DKK3: variants seen among roughly 807,000 people sequenced by gnomAD.
The protein encoded by DKK3 is dickkopf-related protein 3.
A neutral mutation model predicts 33.2 loss-of-function variants in DKK3; 22 were observed. That is an observed-to-expected ratio of 0.66 (90% CI 0.47 to 0.95). The LOEUF (loss-of-function observed/expected upper bound fraction) is 0.95, where lower values mean the gene tolerates loss of function less well. Ranked by LOEUF, DKK3 falls within the 40% of genes least tolerant of loss-of-function variation. DKK3 has a pLI of 0.00. For synonymous variants in DKK3, 194 were observed against 188.8 expected, an observed-to-expected ratio of 1.03 and a Z score of -0.23; for missense variants, 398 against 458.4, an observed-to-expected ratio of 0.87 and a Z score of 1.20.
chr11:11,967,645 A>G (rs1445031204), intron 4 of DKK3, among the ~76,000 whole-genome samples: 4 of 152,236 alleles, frequency 2.6e-5, no homozygotes, highest in Admixed American at 6.5e-5. Context: ...CAGTCGGGTA[A>G]GGTAATAAGA....
intron 4 of DKK3, among the ~76,000 whole-genome samples, chr11:11,967,485 C>G (rs1847626467): frequency 6.6e-6 from 1 of 152,166 alleles, no homozygotes; most frequent in Non-Finnish European, 1.5e-5. Context: ...CCAAGCCAGC[C>G]CAAGATGAGG....
intron 3 of DKK3, among the ~76,000 whole-genome samples, chr11:11,987,699 A>G (rs1050833490): frequency 9.9e-5 from 15 of 152,200 alleles, no homozygotes; most frequent in African/African-American, 3.1e-4. Context: ...TACCATTTAT[A>G]ATTGTGTGAC....
rs770739009 is a variant in DKK3 at position 12,008,321 on chromosome 11, C to T, written c.213+49G>A. 1.3e-6 allele frequency: 2 copies of T among 1,560,080 alleles called. No homozygotes were observed. The highest frequency in any genetic ancestry group is 1.7e-6 in the Non-Finnish European group (2 of 1,158,880). On this transcript the variant is annotated intron_variant, in intron 1 of 6. Transcript: ENST00000683431. The surrounding 1 kb of genome is among the most constrained non-coding windows in gnomAD (Gnocchi z 4.6). ...TTCCATGCCTTCCCAGACTTCGCTG[C>T]CCCCAGTCTGGCGCTTCTCAGAGCC...
chr11:11,974,941 TA>T (rs1170005734), intron 3 of DKK3, among the ~76,000 whole-genome samples: 1 of 151,666 alleles, frequency 6.6e-6, no homozygotes, highest in African/African-American at 2.4e-5. Context: ...AACTGACCAG[TA>T]GATGAACCAC....
chr11:11,972,403 T>C (rs948407195), intron 3 of DKK3, among the ~76,000 whole-genome samples: 2 of 152,176 alleles, frequency 1.3e-5, no homozygotes, highest in African/African-American at 2.4e-5. Context: ...GGATCAAACA[T>C]CTAGTCCTGA....
intron 3 of DKK3, 94 bp downstream of exon 3, chr11:11,998,602 T>A (rs189120427): frequency 1.1e-4 from 116 of 1,093,240 alleles, no homozygotes; most frequent in African/African-American, 8.9e-4. Context: ...CACTCCCTCC[T>A]GCCCATGGTC....
chr11:11,967,588 C>T (rs1847628929), intron 4 of DKK3, among the ~76,000 whole-genome samples: 2 of 152,184 alleles, frequency 1.3e-5, no homozygotes, highest in African/African-American at 4.8e-5. Context: ...GTGACGGTAC[C>T]GAGTGGGGTT....
intron 3 of DKK3, among the ~76,000 whole-genome samples, chr11:11,992,924 A>G (rs1281786838): frequency 2.0e-5 from 3 of 152,204 alleles, no homozygotes; most frequent in Admixed American, 6.5e-5. Context: ...AACAAAACGA[A>G]GATATCTTTT....
At position 12,008,492 on chromosome 11, in the gene DKK3, G is replaced by A. The variant is rs1378509604; in HGVS notation, c.91C>T (p.Pro31Ser). ...CTGAGAGCCGGGCCGGGCTTGACTG[G>A]AGCCGAGGTCGCCGTCGGAGCGGGC... is the stretch of plus-strand genomic sequence containing the variant. ...PAPAPTATSAPVKPGPALSYP... is the reference protein window; with the variant it reads ...PAPAPTATSASVKPGPALSYP... The change falls in exon 1 of 7, where the codon CCA (proline) becomes TCA (serine). Residue 31 changes from proline to serine, a missense_variant. Physicochemically the swap from Pro to Ser is moderately conservative, Grantham distance 74. Transcript: ENST00000683431. The surrounding 1 kb of genome is among the most constrained non-coding windows in gnomAD (Gnocchi z 4.6). 6.2e-7 allele frequency: 1 copy of A among 1,601,474 alleles called. No individual in the cohort carries two copies.
chr11:11,968,300 TG>T, intron 4 of DKK3, 94 bp downstream of exon 4: 3 of 1,184,580 alleles, frequency 2.5e-6, no homozygotes, highest in Non-Finnish European at 3.6e-6. Context: ...GAGGCTCTTC[TG>T]GGAAGCCCAG....
intron 3 of DKK3, among the ~76,000 whole-genome samples, chr11:11,980,467 A>G (rs571129504): frequency 4.9e-4 from 75 of 152,136 alleles, no homozygotes; most frequent in Non-Finnish European, 9.3e-4. Context: ...TCCAAACTGC[A>G]TGGTATACAG....
At chr11:11,966,850 G>A (rs1489057047) in intron 5 of DKK3, 104 bp downstream of exon 5, 21 of 1,499,570 alleles carry the variant, frequency 1.4e-5, no homozygotes, top group Non-Finnish European at 1.6e-5. Context: ...TATCCAAGAG[G>A]TGGGACGCGA....
At position 12,008,248 on chromosome 11, in the gene DKK3, G is replaced by C; in HGVS notation, c.213+122C>G. 2 of 1,291,648 alleles carry C rather than the reference G, an allele frequency of 1.5e-6. No homozygotes were observed. Among genetic ancestry groups the C allele is most frequent in the Non-Finnish European group, 2.1e-6 (2 of 964,140 alleles). 80.0% of individuals were successfully genotyped at this position (1,291,648 alleles called of 1,614,324 possible). Reference sequence around the variant, plus strand: ...TCCAGGTCACTCCGCATCTGCTGTCGGCCCTTCCCAGGCCCTGCGCGGGAC... The same window carrying C: ...TCCAGGTCACTCCGCATCTGCTGTCCGCCCTTCCCAGGCCCTGCGCGGGAC... On this transcript the variant is annotated intron_variant, in intron 1 of 6. Transcript: ENST00000683431. The surrounding 1 kb of genome is among the most constrained non-coding windows in gnomAD (Gnocchi z 4.6).
chr11:11,993,463 G>T (rs1848227653), intron 3 of DKK3, among the ~76,000 whole-genome samples: 1 of 151,730 alleles, frequency 6.6e-6, no homozygotes, highest in Non-Finnish European at 1.5e-5. Flanking sequence ...TTTTAGATGT[G>T]GAATCGCTTC....
At chr11:11,980,125 T>A (rs1331711560) in intron 3 of DKK3, among the ~76,000 whole-genome samples, 1 of 152,126 alleles carries the variant, frequency 6.6e-6, no homozygotes, top group Non-Finnish European at 1.5e-5. Context: ...CGGCTCTAAT[T>A]CTCACTCACC....
chr11:12,001,752 G>A (rs1384504166), intron 2 of DKK3: 4 of 152,356 alleles, frequency 2.6e-5, no homozygotes, highest in African/African-American at 9.7e-5. Flanking sequence ...CACTCAGACA[G>A]GTGGTAGTTT....
chr11:11,970,338 A>T (rs1426271953), intron 3 of DKK3, among the ~76,000 whole-genome samples: 1 of 152,258 alleles, frequency 6.6e-6, no homozygotes, highest in Non-Finnish European at 1.5e-5. Flanking sequence ...CGGACAACTT[A>T]GAATAACAGA....
intron 3 of DKK3, among the ~76,000 whole-genome samples, chr11:11,993,040 T>C (rs57237408): frequency 0.02 from 3,008 of 152,302 alleles, 87 homozygotes; most frequent in African/African-American, 0.068. Context: ...GGTGTAGCCT[T>C]CCTAGAGGAA....
intron 2 of DKK3, among the ~76,000 whole-genome samples, chr11:11,999,480 T>C (rs1848376131): frequency 6.6e-6 from 1 of 152,114 alleles, no homozygotes; most frequent in East Asian, 1.9e-4. Flanking sequence ...AATACAAAAT[T>C]TAGCCGCAGT....
Sources: allele counts gnomAD v4.1 joint callset (sites outside exome capture counted in the v4.1 genomes callset), GRCh38; gene constraint gnomAD v4.1.1; non-coding constraint Gnocchi (gnomAD v3.1); transcripts MANE v1.5; gene names NCBI Gene and HGNC (gene_info 2026-07-23, HGNC 2026-07-21).